Variants in SLC22A15 observed in about 807,000 individuals in gnomAD.
SLC22A15 encodes solute carrier family 22 member 15.
Under a neutral mutation model 62.7 loss-of-function variants are expected in SLC22A15, and 45 were observed. That is an observed-to-expected ratio of 0.72 (90% CI 0.56 to 0.92). The LOEUF (loss-of-function observed/expected upper bound fraction) is 0.92, where lower values mean the gene tolerates loss of function less well. Ranked by LOEUF, SLC22A15 falls within the 40% of genes least tolerant of loss-of-function variation. The pLI, the probability that SLC22A15 is intolerant of heterozygous loss-of-function variation, is 0.00. For synonymous variants in SLC22A15, 264 were observed against 267.0 expected (o/e 0.99, Z 0.11); for missense variants, 622 against 665.6 (o/e 0.93, Z 0.72).
intron 4 of SLC22A15, among the ~76,000 whole-genome samples, chr1:116,023,112 G>A (rs1231576841): frequency 6.6e-6 from 1 of 152,076 alleles, no homozygotes; most frequent in Non-Finnish European, 1.5e-5. Flanking sequence ...TGATTATTTG[G>A]CAATGAAAAT....
intron 8 of SLC22A15, among the ~76,000 whole-genome samples, chr1:116,048,757 T>G (rs1191229145): frequency 6.6e-6 from 1 of 152,170 alleles, no homozygotes; most frequent in African/African-American, 2.4e-5. Context: ...GTCTCAATAC[T>G]AACATTGAAT....
At chr1:115,997,999 A>G (rs1655510030) in intron 2 of SLC22A15, among the ~76,000 whole-genome samples, 1 of 152,022 alleles carries the variant, frequency 6.6e-6, no homozygotes, top group Non-Finnish European at 1.5e-5. Flanking sequence ...TTTATGAAGG[A>G]TGTTGAATTT....
intron 8 of SLC22A15, among the ~76,000 whole-genome samples, chr1:116,057,261 C>A (rs966819649): frequency 6.6e-6 from 1 of 152,024 alleles, no homozygotes; most frequent in African/African-American, 2.4e-5. Context: ...TGAACAGACA[C>A]TTCTCAAAAG....
intron 8 of SLC22A15, among the ~76,000 whole-genome samples, chr1:116,038,805 A>T (rs374903813): frequency 6.6e-6 from 1 of 152,164 alleles, no homozygotes; most frequent in Non-Finnish European, 1.5e-5. Context: ...CTGCAATAAT[A>T]GTCCAGCTTT....
Position 115,976,570 on chromosome 1 carries a change from C to A in SLC22A15, c.-58C>A. 7.4e-7 allele frequency: 1 copy of A among 1,360,124 alleles called. No individual in the cohort carries two copies. Among genetic ancestry groups the A allele is most frequent in the South Asian group, 1.2e-5 (1 of 80,786 alleles). The allele number at this position is 1,360,124 out of a possible 1,614,324, so 84.3% of individuals were successfully genotyped here. A position where few individuals can be genotyped will look rare whatever the true frequency, so the allele number is the denominator to read the frequency against. The stretch of plus-strand genomic sequence containing the variant: ...GGCGCCCAGGGGTTGCCGCGCTGGG[C>A]GGGAGGGCAGCGCCTGAGAGGGCGG... On this transcript the variant is annotated 5_prime_UTR_variant, in exon 1 of 12. Coordinates refer to ENST00000369503, the MANE Select transcript of SLC22A15 (RefSeq NM_018420.3).
At chr1:116,050,709 G>GTT (rs1658030281) in intron 8 of SLC22A15, among the ~76,000 whole-genome samples, 1 of 152,124 alleles carries the variant, frequency 6.6e-6, no homozygotes, top group Non-Finnish European at 1.5e-5. Context: ...CATAGTACTG[G>GTT]AAGTCCTAAC....
In SLC22A15 at chr1:115,976,729, C is replaced by A; in HGVS notation, c.87+15C>A. On this transcript the variant is annotated intron_variant, in intron 1 of 11. Transcript: ENST00000369503. Reference sequence around the variant, plus strand: ...TGCTGCTGCAGGTAAGTCCCCGCGGCCCCGCAGCCGCATTTCCCTCTTCAG... The same window carrying A: ...TGCTGCTGCAGGTAAGTCCCCGCGGACCCGCAGCCGCATTTCCCTCTTCAG... 1 of 1,572,254 alleles carries A rather than the reference C, an allele frequency of 6.4e-7. No individual in the cohort carries two copies. Among genetic ancestry groups the A allele is most frequent in the East Asian group, 2.4e-5 (1 of 40,962 alleles).
chr1:115,993,229 G>A (rs1296971225), intron 2 of SLC22A15, among the ~76,000 whole-genome samples: 3 of 152,122 alleles, frequency 2.0e-5, no homozygotes, highest in Non-Finnish European at 4.4e-5. Flanking sequence ...AGCTACCCAT[G>A]TGTCTGTTGA....
intron 2 of SLC22A15, among the ~76,000 whole-genome samples, chr1:116,017,009 A>G (rs1382278562): frequency 1.3e-5 from 2 of 152,232 alleles, no homozygotes; most frequent in Admixed American, 1.3e-4. Flanking sequence ...TTGCACTAGA[A>G]TAAAATCTCT....
chr1:116,034,645 C>T (rs1302465941), intron 6 of SLC22A15, among the ~76,000 whole-genome samples: 2 of 152,152 alleles, frequency 1.3e-5, no homozygotes, highest in African/African-American at 2.4e-5. Context: ...GGGTTAAAAC[C>T]TGCAATGGGA....
chr1:116,018,839 T>C (rs1441707835), intron 2 of SLC22A15, among the ~76,000 whole-genome samples: 1 of 152,252 alleles, frequency 6.6e-6, no homozygotes, highest in Admixed American at 6.5e-5. Context: ...GTGATATGGA[T>C]ACTAGAACTT....
chr1:116,015,412 A>T (rs1656475155), intron 2 of SLC22A15: 1 of 152,180 alleles, frequency 6.6e-6, no homozygotes, highest in Non-Finnish European at 1.5e-5. Flanking sequence ...TGAGAATCAG[A>T]ATTTGGAATT....
rs1467521100 is a variant in SLC22A15, at chr1:116,068,560, ATTAG to A, written c.*1455_*1458del. 6.6e-6 allele frequency: 1 copy of A among 152,122 alleles called. No individual in the cohort carries two copies. Among genetic ancestry groups the A allele is most frequent in the African/African-American group, 2.4e-5 (1 of 41,444 alleles). The allele number at this position is 152,122 out of a possible 1,614,324, so 9.4% of individuals were successfully genotyped here. On this transcript the variant is annotated 3_prime_UTR_variant, in exon 12 of 12. Transcript: ENST00000369503. The stretch of plus-strand genomic sequence containing the variant: ...TTTTATGTCTTTTATGCCCTTGATT[ATTAG>A]TTGGGCTCTTCATAAACAGAGGCCA...
intron 4 of SLC22A15, 99 bp from the exon 5 acceptor site, chr1:116,026,794 G>A (rs1382635066): frequency 6.9e-7 from 1 of 1,457,702 alleles, no homozygotes. Context: ...GCATAGGGCT[G>A]ACATCTCACC....
At position 116,031,386 on chromosome 1, in the gene SLC22A15, G is replaced by T. The variant is rs768640311; in HGVS notation, c.749G>T (p.Arg250Leu). 6.2e-7 allele frequency: 1 copy of T among 1,613,406 alleles called. No individual in the cohort carries two copies. The highest frequency in any genetic ancestry group is 8.5e-7 in the Non-Finnish European group (1 of 1,179,776). ...TTCAGATTCATTCCTGAATCACCTC[G>T]TTGGTTATACTCCCAGGGTCGACTG... ...LLSLFIPESP[R>L]WLYSQGRLSE... Residue 250 changes from arginine to leucine, a missense_variant, in exon 6 of 12, where the codon CGT (arginine) becomes CTT (leucine). Physicochemically the swap from Arg to Leu is moderately radical, Grantham distance 102 (BLOSUM62 -2). Coordinates refer to ENST00000369503, the MANE Select transcript of SLC22A15 (RefSeq NM_018420.3).
rs1320329462 is a variant in SLC22A15, at chr1:116,031,465, G to A, written c.828G>A (p.Lys276=). Reference sequence around the variant, plus strand: ...TTGCCAAGAGGAACCGCAAACTCAAGTGCACGTTCTCACTAACACACCCAG... The same window carrying A: ...TTGCCAAGAGGAACCGCAAACTCAAATGCACGTTCTCACTAACACACCCAG... The part of the protein sequence containing the change: ...YLIAKRNRKL[K]CTFSLTHPAN... The change falls in exon 6 of 12, where the codon AAG becomes AAA. Residue 276 remains lysine, a synonymous_variant. Coordinates refer to ENST00000369503, the MANE Select transcript of SLC22A15 (RefSeq NM_018420.3). 1 of 1,613,998 alleles carries A rather than the reference G, an allele frequency of 6.2e-7. No individual in the cohort carries two copies. Among genetic ancestry groups the A allele is most frequent in the South Asian group, 1.1e-5 (1 of 91,086 alleles).
chr1:115,986,693 T>C (rs1654880386), intron 1 of SLC22A15, among the ~76,000 whole-genome samples: 1 of 152,222 alleles, frequency 6.6e-6, no homozygotes, highest in African/African-American at 2.4e-5. Context: ...AAATGCAGAC[T>C]CTTACCCCCA....
chr1:116,024,245 G>A (rs1437206893), intron 4 of SLC22A15, among the ~76,000 whole-genome samples: 1 of 152,166 alleles, frequency 6.6e-6, no homozygotes, highest in Non-Finnish European at 1.5e-5. Flanking sequence ...AAAGTGACTT[G>A]CTAAAGGACC....
At chr1:116,011,369 A>G (rs1570723938) in intron 2 of SLC22A15, among the ~76,000 whole-genome samples, 1 of 152,142 alleles carries the variant, frequency 6.6e-6, no homozygotes, top group East Asian at 1.9e-4. Flanking sequence ...AAATCTGTCT[A>G]CACTCCTTTT....
Sources: allele counts gnomAD v4.1 joint callset (sites outside exome capture counted in the v4.1 genomes callset), GRCh38; gene constraint gnomAD v4.1.1; transcripts MANE v1.5; gene names NCBI Gene and HGNC (gene_info 2026-07-23, HGNC 2026-07-21).